The following ARHGAP28 variants were observed in gnomAD, a reference collection of about 807,000 sequenced individuals.
ARHGAP28 encodes Rho GTPase activating protein 28, also known as rho GTPase-activating protein 28.
A neutral mutation model predicts 90.7 loss-of-function variants in ARHGAP28; 56 were observed. The observed-to-expected ratio is 0.62, with a 90% CI of 0.50 to 0.77. ARHGAP28 has a LOEUF of 0.77. ARHGAP28 is among the 30% of genes least tolerant of loss of function. The pLI is 0.00. For missense variants in ARHGAP28, 869 were observed against 900.9 expected, an observed-to-expected ratio of 0.96 and a Z score of 0.45; for synonymous variants, 308 against 323.3, an observed-to-expected ratio of 0.95 and a Z score of 0.51.
intron 3 of ARHGAP28, among the ~76,000 whole-genome samples, chr18:6,845,566 C>T (rs553823953): frequency 3.2e-4 from 49 of 152,222 alleles, no homozygotes; most frequent in African/African-American, 1.0e-3. Context: ...CTTACTGATG[C>T]TCTCCCTCCC....
intron 1 of ARHGAP28, among the ~76,000 whole-genome samples, chr18:6,755,367 T>C (rs1476491604): frequency 1.3e-5 from 2 of 151,976 alleles, no homozygotes; most frequent in Non-Finnish European, 2.9e-5. Context: ...GTGGTTATAA[T>C]AGACTAGAAG....
At position 6,914,344 on chromosome 18, in the gene ARHGAP28, T is replaced by G. The variant is rs1567993219; in HGVS notation, c.*2190T>G. ...TCACTCTAGTTTATTCAAGGATGTG[T>G]GGCAACTTTCAACTTCCATACGTAT... is the stretch of plus-strand genomic sequence containing the variant. On this transcript the variant is annotated 3_prime_UTR_variant, in exon 18 of 18. Coordinates refer to ENST00000383472, the MANE Select transcript of ARHGAP28 (RefSeq NM_001366230.1). 6.6e-6 allele frequency: 1 copy of G among 152,182 alleles called. No homozygotes were observed. The highest frequency in any genetic ancestry group is 1.5e-5 in the Non-Finnish European group (1 of 68,040). 9.4% of individuals were successfully genotyped at this position (152,182 alleles called of 1,614,324 possible).
At chr18:6,760,662 T>C (rs560949446) in intron 1 of ARHGAP28, among the ~76,000 whole-genome samples, 79 of 152,338 alleles carry the variant, frequency 5.2e-4, no homozygotes, top group Non-Finnish European at 5.3e-4. Flanking sequence ...TAATTAGCAT[T>C]GATGTCAAAT....
intron 1 of ARHGAP28, among the ~76,000 whole-genome samples, chr18:6,817,929 G>A (rs371273257): frequency 6.6e-6 from 1 of 152,136 alleles, no homozygotes; most frequent in Admixed American, 6.5e-5. Flanking sequence ...GATAAATACA[G>A]TTTTATTTAT....
At position 6,729,755 on chromosome 18, in the gene ARHGAP28, G is replaced by A. The variant is rs570164133; in HGVS notation, c.-67G>A. 2.7e-3 allele frequency: 3,475 copies of A among 1,290,932 alleles called. 17 individuals carry two copies. The highest frequency in any genetic ancestry group is 0.012 in the Middle Eastern group (42 of 3,432). 80.0% of individuals were successfully genotyped at this position (1,290,932 alleles called of 1,614,324 possible). On this transcript the variant is annotated 5_prime_UTR_variant, in exon 1 of 18. Transcript: ENST00000383472. ...GCCGCCCAGCTGCTGACAGCCTCCC[G>A]GCGCGCCGGTCCATGCTGGTCCCGG...
chr18:6,811,289 AAT>A (rs1485013202), intron 1 of ARHGAP28, among the ~76,000 whole-genome samples: 2 of 152,198 alleles, frequency 1.3e-5, no homozygotes, highest in African/African-American at 4.8e-5. Flanking sequence ...AAACATCTAA[AAT>A]CATTGATATG....
intron 1 of ARHGAP28, among the ~76,000 whole-genome samples, chr18:6,754,054 G>A (rs2056090572): frequency 6.6e-6 from 1 of 152,138 alleles, no homozygotes; most frequent in Non-Finnish European, 1.5e-5. Context: ...TCTCAAATAT[G>A]ACCATTTGCA....
intron 16 of ARHGAP28, chr18:6,898,181 T>G: frequency 3.5e-6 from 1 of 287,444 alleles, no homozygotes; most frequent in East Asian, 6.4e-5. Flanking sequence ...GAGAAAAACT[T>G]GAGAGATGGG....
intron 3 of ARHGAP28, among the ~76,000 whole-genome samples, chr18:6,849,034 G>A (rs1486570728): frequency 2.6e-5 from 4 of 151,444 alleles, no homozygotes; most frequent in Admixed American, 1.3e-4. Context: ...AGGATCTCTT[G>A]AGCCCAGGAG....
chr18:6,899,562 G>T (rs2057327461), intron 16 of ARHGAP28, among the ~76,000 whole-genome samples: 1 of 152,100 alleles, frequency 6.6e-6, no homozygotes, highest in Non-Finnish European at 1.5e-5. Flanking sequence ...CCACCCCATG[G>T]TTTCGGTGGA....
chr18:6,859,781 G>A, intron 4 of ARHGAP28, 27 bp from the exon 5 acceptor site: 1 of 1,603,034 alleles, frequency 6.2e-7, no homozygotes, highest in Non-Finnish European at 8.5e-7. Flanking sequence ...GCCTGAATAA[G>A]AATGGTACTT....
chr18:6,732,494 A>G (rs2055890759), intron 1 of ARHGAP28, among the ~76,000 whole-genome samples: 1 of 152,030 alleles, frequency 6.6e-6, no homozygotes, highest in Non-Finnish European at 1.5e-5. Context: ...TTTTTAGCTA[A>G]CCATTTAAAA....
chr18:6,858,577 C>A (rs2056972683), intron 4 of ARHGAP28, among the ~76,000 whole-genome samples: 1 of 149,600 alleles, frequency 6.7e-6, no homozygotes, highest in African/African-American at 2.5e-5. Flanking sequence ...GAGTTTTGCT[C>A]TTGTCGCCCA....
At chr18:6,789,410 A>T (rs535120258) in intron 1 of ARHGAP28, 15 of 152,092 alleles carry the variant, frequency 9.9e-5, no homozygotes, top group Admixed American at 3.9e-4. Flanking sequence ...GGTCTCTACT[A>T]AAAAAAATAA....
At chr18:6,891,482 C>T (rs2057265015) in intron 14 of ARHGAP28, among the ~76,000 whole-genome samples, 1 of 152,012 alleles carries the variant, frequency 6.6e-6, no homozygotes, top group Non-Finnish European at 1.5e-5. Context: ...TAGGGTTTCA[C>T]CATGTTGGCC....
At chr18:6,745,761 G>A (rs1051651371) in intron 1 of ARHGAP28, among the ~76,000 whole-genome samples, 7 of 152,128 alleles carry the variant, frequency 4.6e-5, no homozygotes, top group African/African-American at 1.4e-4. Flanking sequence ...TGGTTTCTGA[G>A]GTTCACACAC....
At chr18:6,782,320 A>G (rs2056330270) in intron 1 of ARHGAP28, among the ~76,000 whole-genome samples, 1 of 152,128 alleles carries the variant, frequency 6.6e-6, no homozygotes, top group Non-Finnish European at 1.5e-5. Context: ...CCATCTTTTA[A>G]TGTTATTCCT....
Position 6,890,523 on chromosome 18 carries a change from A to G in ARHGAP28, c.1828A>G (p.Arg610Gly), listed in dbSNP as rs2057257157. 6.2e-7 allele frequency: 1 copy of G among 1,611,318 alleles called. No individual in the cohort carries two copies. Among genetic ancestry groups the G allele is most frequent in the Non-Finnish European group, 8.5e-7 (1 of 1,178,970 alleles). ...CCCAAGTGTCAGGAAGCTGCTCAGGAGGAAGACCCTCGAGCGGGAGGTAAG... is the reference window on the plus strand; with the variant it reads ...CCCAAGTGTCAGGAAGCTGCTCAGGGGGAAGACCCTCGAGCGGGAGGTAAG... ...QLPSVRKLLR[R>G]KTLERETASP... Residue 610 changes from arginine to glycine, a missense_variant, in exon 14 of 18, where the codon AGG (arginine) becomes GGG (glycine). Arg to Gly is a moderately radical substitution (Grantham distance 125). Coordinates refer to ENST00000383472, the MANE Select transcript of ARHGAP28 (RefSeq NM_001366230.1).
chr18:6,758,417 G>A (rs777365522), intron 1 of ARHGAP28, among the ~76,000 whole-genome samples: 30 of 152,028 alleles, frequency 2.0e-4, no homozygotes, highest in Middle Eastern at 3.4e-3. Context: ...TCTGCCTCCC[G>A]AGTTCAAATG....
Sources: allele counts gnomAD v4.1 joint callset (sites outside exome capture counted in the v4.1 genomes callset), GRCh38; gene constraint gnomAD v4.1.1; transcripts MANE v1.5; gene names NCBI Gene and HGNC (gene_info 2026-07-23, HGNC 2026-07-21).